Variants in ARPP21 observed in about 807,000 individuals in gnomAD.
ARPP21 encodes the protein cAMP regulated phosphoprotein 21, also known as cAMP-regulated phosphoprotein 21.
A neutral mutation model predicts 113.2 loss-of-function variants in ARPP21; 69 were observed. The ratio of observed to expected loss-of-function variants is 0.61; its 90% CI spans 0.50 to 0.74. The LOEUF (loss-of-function observed/expected upper bound fraction) is 0.74. Ranked by LOEUF, ARPP21 falls within the 30% of genes least tolerant of loss-of-function variation. ARPP21 has a pLI of 0.00. For synonymous variants in ARPP21, 368 were observed against 375.5 expected, an observed-to-expected ratio of 0.98 and a Z score of 0.23; for missense variants, 1,070 against 1,037.4, an observed-to-expected ratio of 1.03 and a Z score of -0.43.
At chr3:35,731,245 G>A (rs1178310572) in intron 15 of ARPP21, among the ~76,000 whole-genome samples, 1 of 152,156 alleles carries the variant, frequency 6.6e-6, no homozygotes, top group African/African-American at 2.4e-5. Context: ...TTGTGCATGT[G>A]TATGTGTATA....
At chr3:35,739,174 G>T in intron 17 of ARPP21, 143 bp from the exon 18 acceptor site, 1 of 1,046,324 alleles carries the variant, frequency 9.6e-7, no homozygotes, top group Non-Finnish European at 1.4e-6. Flanking sequence ...TCTGGCTGAA[G>T]AATTATTTTA....
chr3:35,647,883 T>TA (rs1293794674), intron 1 of ARPP21, among the ~76,000 whole-genome samples: 1 of 152,204 alleles, frequency 6.6e-6, no homozygotes, highest in Non-Finnish European at 1.5e-5. Context: ...GAATAAGACC[T>TA]ACCTTGCAGG....
chr3:35,746,575 C>T (rs938416661), intron 19 of ARPP21, among the ~76,000 whole-genome samples: 29 of 152,216 alleles, frequency 1.9e-4, no homozygotes, highest in African/African-American at 6.5e-4. Context: ...GTTCTTCCTC[C>T]TGCCTCCTGC....
chr3:35,702,111 T>C lies in ARPP21; in HGVS notation c.687-4863T>C, dbSNP rs575919131. Among the ~76,000 whole-genome samples, 19 of 151,806 alleles carry C rather than the reference T, an allele frequency of 1.3e-4. No individual in the cohort carries two copies. The South Asian group carries it at 3.7e-3, about 30-fold the overall frequency. ...ATCACAAATATATAAAAGGTTAAAATAAAATTGTCTGTTATCCCGCCATCA... is the reference window on the plus strand; with the variant it reads ...ATCACAAATATATAAAAGGTTAAAACAAAATTGTCTGTTATCCCGCCATCA... On this transcript the variant is annotated intron_variant, in intron 9 of 20. Transcript: ENST00000684406.
chr3:35,749,399 C>T lies in ARPP21; in HGVS notation c.2137+5434C>T, dbSNP rs190012218. 5.7e-3 allele frequency among the ~76,000 whole-genome samples: 818 copies of T among 144,138 alleles called. 10 individuals are homozygous for T. The highest frequency in any genetic ancestry group is 0.02 in the African/African-American group (770 of 38,294). The allele number at this position is 144,138 out of a possible 152,430, so 94.6% of individuals were successfully genotyped here. A position where few individuals can be genotyped will look rare whatever the true frequency, so the allele number is the denominator to read the frequency against. ...AAAGAAATATACTTAGCTTCATTCT[C>T]GGCTCTCCAAAATCTTGGTCATTCC... On this transcript the variant is annotated intron_variant, in intron 19 of 20. Transcript: ENST00000684406.
At chr3:35,766,250 A>G (rs1056016393) in intron 19 of ARPP21, among the ~76,000 whole-genome samples, 5 of 152,114 alleles carry the variant, frequency 3.3e-5, no homozygotes, top group African/African-American at 9.7e-5. Context: ...TGGCTCTCCC[A>G]AGTTCCATTC....
intron 19 of ARPP21, among the ~76,000 whole-genome samples, chr3:35,775,271 T>A (rs756365741): frequency 1.3e-5 from 2 of 152,128 alleles, no homozygotes; most frequent in African/African-American, 4.8e-5. Flanking sequence ...TAGTGAACAA[T>A]TGGTTAAAGA....
At chr3:35,698,864 G>A (rs1310556496) in intron 9 of ARPP21, among the ~76,000 whole-genome samples, 2 of 151,390 alleles carry the variant, frequency 1.3e-5, no homozygotes, top group Non-Finnish European at 3.0e-5. Context: ...AAAATATGAT[G>A]CCAAAAAAAA....
chr3:35,708,931 A>G, intron 10 of ARPP21, 38 bp from the exon 11 acceptor site: 1 of 1,446,932 alleles, frequency 6.9e-7, no homozygotes, highest in Non-Finnish European at 9.7e-7. Flanking sequence ...CTAACAACGC[A>G]ACTTGGATAA....
chr3:35,790,039 C>G (rs1016644897), intron 19 of ARPP21, among the ~76,000 whole-genome samples: 4 of 152,144 alleles, frequency 2.6e-5, no homozygotes, highest in Non-Finnish European at 5.9e-5. Context: ...CCCCACTTCC[C>G]TCTTTTCCTT....
At chr3:35,686,983 CA>C (rs2080815018) in intron 5 of ARPP21, among the ~76,000 whole-genome samples, 1 of 151,062 alleles carries the variant, frequency 6.6e-6, no homozygotes. Flanking sequence ...AACATCATTT[CA>C]AGACAATATT....
intron 19 of ARPP21, among the ~76,000 whole-genome samples, chr3:35,786,018 C>T (rs919338285): frequency 6.6e-6 from 1 of 151,938 alleles, no homozygotes; most frequent in African/African-American, 2.4e-5. Context: ...TGAAAGAAGT[C>T]GTAATGAACT....
intron 1 of ARPP21, among the ~76,000 whole-genome samples, chr3:35,660,179 T>C (rs1707045208): frequency 6.6e-6 from 1 of 152,202 alleles, no homozygotes; most frequent in Non-Finnish European, 1.5e-5. Context: ...GTATCACTTC[T>C]AAATTACTGA....
chr3:35,681,902 C>G, intron 3 of ARPP21, 22 bp downstream of exon 3: 1 of 1,610,516 alleles, frequency 6.2e-7, no homozygotes. Flanking sequence ...TGAAGAGACC[C>G]TGACTCTCAT....
intron 19 of ARPP21, among the ~76,000 whole-genome samples, chr3:35,780,933 A>G (rs952554617): frequency 7.9e-5 from 12 of 152,028 alleles, no homozygotes; most frequent in African/African-American, 2.9e-4. Flanking sequence ...AAGCAGTGAT[A>G]ATCCAAAGCT....
At chr3:35,668,144 G>A (rs1255485337) in intron 1 of ARPP21, among the ~76,000 whole-genome samples, 1 of 152,132 alleles carries the variant, frequency 6.6e-6, no homozygotes, top group East Asian at 1.9e-4. Context: ...TCATGGTAAA[G>A]TATCATCTCT....
intron 1 of ARPP21, among the ~76,000 whole-genome samples, chr3:35,659,103 T>C (rs976783293): frequency 2.6e-5 from 4 of 152,196 alleles, no homozygotes; most frequent in African/African-American, 9.6e-5. Context: ...AATCAAGACA[T>C]GAGCTATGTA....
chr3:35,659,392 AAAATT>A (rs2149115410), intron 1 of ARPP21, among the ~76,000 whole-genome samples: 1 of 152,302 alleles, frequency 6.6e-6, no homozygotes, highest in African/African-American at 2.4e-5. Context: ...AAGCAATTGA[AAAATT>A]AATACACCTT....
chr3:35,690,158 G>A lies in ARPP21; in HGVS notation c.545+18G>A. 7.8e-7 allele frequency: 1 copy of A among 1,278,428 alleles called. No homozygotes were observed. Among genetic ancestry groups the A allele is most frequent in the Admixed American group, 1.7e-5 (1 of 59,102 alleles). The allele number at this position is 1,278,428 out of a possible 1,614,324, so 79.2% of individuals were successfully genotyped here. A position where few individuals can be genotyped will look rare whatever the true frequency, so the allele number is the denominator to read the frequency against. On this transcript the variant is annotated intron_variant, in intron 8 of 20. Coordinates refer to ENST00000684406, the MANE Select transcript of ARPP21 (RefSeq NM_001385562.1). Reference sequence around the variant, plus strand: ...GACAACAAGTATGTTAAACTTCAATGCTGGTTAATTTGATCATGTATCCTA... The same window carrying A: ...GACAACAAGTATGTTAAACTTCAATACTGGTTAATTTGATCATGTATCCTA...
Sources: allele counts gnomAD v4.1 joint callset (sites outside exome capture counted in the v4.1 genomes callset), GRCh38; gene constraint gnomAD v4.1.1; transcripts MANE v1.5; gene names NCBI Gene and HGNC (gene_info 2026-07-23, HGNC 2026-07-21).